UNC13C: variants seen among roughly 807,000 people sequenced by gnomAD.
UNC13C encodes the protein protein unc-13 homolog C.
UNC13C carries 174 observed loss-of-function variants against 245.4 expected under a neutral mutation model. That is an observed-to-expected ratio of 0.71 (90% CI 0.63 to 0.80). UNC13C has a LOEUF of 0.80. Among genes scored for constraint, UNC13C ranks in the 30% least tolerant of loss-of-function variants. UNC13C has a pLI of 0.00. For missense variants in UNC13C, 2,829 were observed against 2,602.9 expected, an observed-to-expected ratio of 1.09 and a Z score of -1.89; for synonymous variants, 992 against 895.1, an observed-to-expected ratio of 1.11 and a Z score of -1.93.
At chr15:54,075,586 C>G (rs1184044977) in intron 2 of UNC13C, among the ~76,000 whole-genome samples, 5 of 139,458 alleles carry the variant, frequency 3.6e-5, no homozygotes, top group African/African-American at 1.3e-4. Flanking sequence ...AAAGGAGTGT[C>G]CAAAACTGCA....
At chr15:54,511,503 T>G (rs1275260772) in intron 23 of UNC13C, among the ~76,000 whole-genome samples, 1 of 152,152 alleles carries the variant, frequency 6.6e-6, no homozygotes, top group East Asian at 1.9e-4. Context: ...TAAAAGAAAC[T>G]TTAGCAGCAA....
rs193157710 is a variant in UNC13C, at chr15:54,543,336, G to T, written c.5697-3386G>T. On this transcript the variant is annotated intron_variant, in intron 26 of 32. Coordinates refer to ENST00000260323, the MANE Select transcript of UNC13C (RefSeq NM_001080534.3). ...AATTTATAGCACTAAATGCCCACAG[G>T]AAAAAGAGGGAAAGATCTAAAATCA... 2.9e-3 allele frequency among the ~76,000 whole-genome samples: 437 copies of T among 151,996 alleles called. 1 individual carries two copies. Among genetic ancestry groups the T allele is most frequent in the Non-Finnish European group, 4.8e-3 (325 of 67,946 alleles).
intron 19 of UNC13C, among the ~76,000 whole-genome samples, chr15:54,461,326 T>A (rs760764242): frequency 6.6e-6 from 1 of 152,194 alleles, no homozygotes; most frequent in Non-Finnish European, 1.5e-5. Flanking sequence ...TTAGGGATGC[T>A]CAATCAGTCA....
At chr15:54,409,661 A>G (rs537821775) in intron 18 of UNC13C, among the ~76,000 whole-genome samples, 1 of 152,226 alleles carries the variant, frequency 6.6e-6, no homozygotes, top group Non-Finnish European at 1.5e-5. Context: ...TAATTCACTT[A>G]CACTGATGAC....
At chr15:54,291,976 T>C (rs2037310139) in intron 10 of UNC13C, among the ~76,000 whole-genome samples, 1 of 151,988 alleles carries the variant, frequency 6.6e-6, no homozygotes, top group South Asian at 2.1e-4. Context: ...GCTTTCACTG[T>C]TGATAGAATT....
intron 19 of UNC13C, among the ~76,000 whole-genome samples, chr15:54,452,820 T>C (rs953942877): frequency 6.6e-6 from 1 of 152,122 alleles, no homozygotes; most frequent in Non-Finnish European, 1.5e-5. Context: ...CAGCTGCCAA[T>C]GGAGCAGCCA....
Position 54,015,585 on chromosome 15 carries a change from T to C in UNC13C, c.2682T>C (p.Ser894=). Residue 894 remains serine (S), a synonymous_variant, in exon 2 of 33, where the codon AGT becomes AGC. Transcript: ENST00000260323. ...TTGCTAAACTAGAAAACAGGACTAGTATTACTGAAACAGATGAACAAATGC... is the reference window on the plus strand; with the variant it reads ...TTGCTAAACTAGAAAACAGGACTAGCATTACTGAAACAGATGAACAAATGC... ...QVLAKLENRT[S]ITETDEQMQA... 3.7e-6 allele frequency: 6 copies of C among 1,613,836 alleles called. No individual in the cohort carries two copies. Among genetic ancestry groups the C allele is most frequent in the Non-Finnish European group, 5.1e-6 (6 of 1,179,802 alleles).
the UNC13C span, among the ~76,000 whole-genome samples, chr15:53,871,565 C>G: frequency 1.3e-5 from 2 of 152,044 alleles, no homozygotes; most frequent in Non-Finnish European, 2.9e-5. Flanking sequence ...TTGCTGTGTT[C>G]CAGTTGAGAG....
intron 8 of UNC13C, among the ~76,000 whole-genome samples, chr15:54,259,872 C>G (rs372082218): frequency 2.6e-5 from 4 of 151,726 alleles, no homozygotes; most frequent in African/African-American, 9.7e-5. Flanking sequence ...TGTATTTTGT[C>G]TTTTCATAAG....
At chr15:53,984,536 A>G (rs1894051562) in intron 1 of UNC13C, among the ~76,000 whole-genome samples, 2 of 152,172 alleles carry the variant, frequency 1.3e-5, no homozygotes, top group Admixed American at 6.5e-5. Flanking sequence ...TGAATTCTCA[A>G]CTAGAAAATA....
At position 54,204,868 on chromosome 15, in the gene UNC13C, A is replaced by T. The variant is rs555331723; in HGVS notation, c.3072-30162A>T. ...CTTTTTTGAACTGAGTAGAAAATAC[A>T]TGAGTGATTTTTATTATTGCCATGC... On this transcript the variant is annotated intron_variant, in intron 4 of 32. Coordinates refer to ENST00000260323, the MANE Select transcript of UNC13C (RefSeq NM_001080534.3). 1.7e-3 allele frequency among the ~76,000 whole-genome samples: 258 copies of T among 152,112 alleles called. 11 individuals carry two copies. In the South Asian group the frequency reaches 0.051, roughly 30 times the overall value.
At position 54,038,124 on chromosome 15, in the gene UNC13C, A is replaced by AT. The variant is rs58063301; in HGVS notation, c.2983+22254dup. Among the ~76,000 whole-genome samples the AT allele has an allele frequency of 2.8e-3, 124 of 45,030 alleles. 5 individuals are homozygous for AT. The South Asian group carries it at 0.075, about 27-fold the overall frequency. 29.5% of individuals were successfully genotyped at this position (45,030 alleles called of 152,430 possible). On this transcript the variant is annotated intron_variant, in intron 2 of 32. Transcript: ENST00000260323. ...CATATATATATATATATATATATAT[A>AT]TTTTTTTTTTTTTTTTCCTGAGACA...
intron 2 of UNC13C, among the ~76,000 whole-genome samples, chr15:54,112,133 C>T (rs1900809335): frequency 1.3e-5 from 2 of 152,296 alleles, no homozygotes; most frequent in East Asian, 1.9e-4. Flanking sequence ...AAGTTACTAT[C>T]CCCAACATTT....
chr15:53,853,865 T>C, the UNC13C span, among the ~76,000 whole-genome samples: 1 of 152,190 alleles, frequency 6.6e-6, no homozygotes, highest in Admixed American at 6.5e-5. Flanking sequence ...TGTAAATTTG[T>C]TTAAATTCCT....
At chr15:54,101,881 G>C (rs1034370737) in intron 2 of UNC13C, among the ~76,000 whole-genome samples, 4 of 151,694 alleles carry the variant, frequency 2.6e-5, no homozygotes, top group African/African-American at 4.8e-5. Context: ...ACCGTGCCCG[G>C]CCATCCTCCC....
intron 18 of UNC13C, among the ~76,000 whole-genome samples, chr15:54,406,083 C>T (rs1333833532): frequency 6.6e-5 from 10 of 152,006 alleles, no homozygotes. Flanking sequence ...GAAGAGCATA[C>T]AAATTTATTT....
chr15:54,041,299 A>G (rs1396928181), intron 2 of UNC13C, among the ~76,000 whole-genome samples: 1 of 152,230 alleles, frequency 6.6e-6, no homozygotes, highest in African/African-American at 2.4e-5. Flanking sequence ...TCTACAAATT[A>G]TAATTAAACA....
At chr15:54,592,758 T>G (rs1470389299) in intron 30 of UNC13C, among the ~76,000 whole-genome samples, 1 of 152,152 alleles carries the variant, frequency 6.6e-6, no homozygotes, top group Non-Finnish European at 1.5e-5. Flanking sequence ...TGGTTCTGTA[T>G]CTTTTAAACT....
At chr15:53,856,372 G>GTT in the UNC13C span, among the ~76,000 whole-genome samples, 10 of 131,728 alleles carry the variant, frequency 7.6e-5, no homozygotes, top group South Asian at 2.6e-3. Flanking sequence ...TGGTTCTCTA[G>GTT]TTTTTTTTTG....
Sources: gnomAD v4.1 joint callset for allele counts (sites outside exome capture counted in the v4.1 genomes callset) on GRCh38, gnomAD v4.1.1 for gene constraint, MANE v1.5 for transcripts, NCBI Gene and HGNC (gene_info 2026-07-23, HGNC 2026-07-21) for gene names.